SBF2: variants seen among roughly 807,000 people sequenced by gnomAD.
The protein encoded by SBF2 is myotubularin-related protein 13.
A neutral mutation model predicts 225.2 loss-of-function variants in SBF2; 112 were observed. The observed-to-expected ratio is 0.50, with a 90% CI of 0.43 to 0.58. The LOEUF (loss-of-function observed/expected upper bound fraction) is 0.58. Ranked by LOEUF, SBF2 falls within the 20% of genes least tolerant of loss-of-function variation. The pLI is 0.00. For synonymous variants in SBF2, 763 were observed against 773.3 expected (o/e 0.99, Z 0.22); for missense variants, 1,996 against 2,206.2 (o/e 0.90, Z 1.91).
chr11:9,822,039 TATA>T, intron 28 of SBF2, among the ~76,000 whole-genome samples: 1 of 152,252 alleles, frequency 6.6e-6, no homozygotes, highest in East Asian at 1.9e-4. Context: ...TAACAATAAC[TATA>T]ATAATAATGA....
At chr11:10,000,187 A>G (rs1027049681) in intron 8 of SBF2, among the ~76,000 whole-genome samples, 1 of 152,240 alleles carries the variant, frequency 6.6e-6, no homozygotes, top group African/African-American at 2.4e-5. Flanking sequence ...TCAGCCTTTT[A>G]GAGTTACAAA....
At chr11:10,195,621 T>C (rs919227519) in intron 1 of SBF2, among the ~76,000 whole-genome samples, 4 of 152,178 alleles carry the variant, frequency 2.6e-5, no homozygotes, top group African/African-American at 4.8e-5. Context: ...TCTCTATGAA[T>C]GCAACTTCTC....
intron 3 of SBF2, 109 bp from the exon 4 acceptor site, chr11:10,031,279 T>G: frequency 9.7e-7 from 1 of 1,029,572 alleles, no homozygotes; most frequent in Non-Finnish European, 1.4e-6. Context: ...CAAAATTAAT[T>G]ATAATATAAT....
rs185363887 is a variant in SBF2, at chr11:10,292,419, A to G, written c.55+1596T>C. ...ATTGTTGGCCGGGCGTGGTGGCTCA[A>G]GCCTGTAATCCCAGCACTTTGGGAG... On this transcript the variant is annotated intron_variant, in intron 1 of 39. Coordinates refer to ENST00000256190, the MANE Select transcript of SBF2 (RefSeq NM_030962.4). 4.1e-3 allele frequency among the ~76,000 whole-genome samples: 629 copies of G among 152,152 alleles called. 6 individuals carry two copies. The highest frequency in any genetic ancestry group is 0.014 in the African/African-American group (589 of 41,522).
chr11:10,155,493 C>G (rs1171110534), intron 2 of SBF2, among the ~76,000 whole-genome samples: 2 of 151,900 alleles, frequency 1.3e-5, no homozygotes, highest in Non-Finnish European at 2.9e-5. Flanking sequence ...TAAAGGGGAA[C>G]TTTGGGGTAA....
At chr11:9,872,830 T>C (rs1462947878) in intron 17 of SBF2, among the ~76,000 whole-genome samples, 3 of 152,022 alleles carry the variant, frequency 2.0e-5, no homozygotes, top group African/African-American at 7.2e-5. Context: ...ATAATAATAA[T>C]AAATGCTAAG....
At chr11:10,127,149 T>C (rs1953794925) in intron 2 of SBF2, among the ~76,000 whole-genome samples, 1 of 152,154 alleles carries the variant, frequency 6.6e-6, no homozygotes, top group Admixed American at 6.5e-5. Flanking sequence ...ATGTACTTAA[T>C]GCCTCTGAAT....
chr11:10,207,053 T>C (rs1024277261), intron 1 of SBF2, among the ~76,000 whole-genome samples: 1 of 152,086 alleles, frequency 6.6e-6, no homozygotes, highest in Non-Finnish European at 1.5e-5. Context: ...ACATCATAAT[T>C]AAACATCTGA....
At chr11:10,022,599 C>T (rs914722492) in intron 6 of SBF2, among the ~76,000 whole-genome samples, 1 of 152,028 alleles carries the variant, frequency 6.6e-6, no homozygotes, top group Non-Finnish European at 1.5e-5. Context: ...TTTATGTACC[C>T]ACCCCCCCAT....
At chr11:9,880,062 C>T (rs560482542) in intron 17 of SBF2, among the ~76,000 whole-genome samples, 3 of 110,996 alleles carry the variant, frequency 2.7e-5, no homozygotes, top group South Asian at 3.1e-4. Context: ...CCAGCCTGGA[C>T]AATGAGTGAG....
intron 16 of SBF2, among the ~76,000 whole-genome samples, chr11:9,950,223 C>T (rs1487092896): frequency 6.6e-6 from 1 of 152,056 alleles, no homozygotes; most frequent in Admixed American, 6.6e-5. Flanking sequence ...TCCAATCTCC[C>T]TGACAATGTA....
At chr11:9,939,838 T>A (rs948304640) in intron 16 of SBF2, among the ~76,000 whole-genome samples, 3 of 152,182 alleles carry the variant, frequency 2.0e-5, no homozygotes, top group Admixed American at 6.6e-5. Flanking sequence ...CATGAAATAT[T>A]AAGTAATAAT....
chr11:9,941,711 T>C (rs962407772), intron 16 of SBF2, among the ~76,000 whole-genome samples: 2 of 152,162 alleles, frequency 1.3e-5, no homozygotes, highest in Admixed American at 1.3e-4. Context: ...TAAAGCTTAA[T>C]GATTAAACTT....
intron 2 of SBF2, among the ~76,000 whole-genome samples, chr11:10,092,554 A>G (rs763490762): frequency 1.6e-4 from 25 of 152,260 alleles, no homozygotes; most frequent in Admixed American, 5.2e-4. Flanking sequence ...ATGCAATCAT[A>G]TAACTCCACT....
At chr11:10,065,578 AG>A (rs1371782758) in intron 2 of SBF2, among the ~76,000 whole-genome samples, 7 of 152,222 alleles carry the variant, frequency 4.6e-5, no homozygotes, top group African/African-American at 1.7e-4. Flanking sequence ...AGCTATTAAA[AG>A]GATCATAAGG....
chr11:10,196,866 A>ATATATATATATATATATATATATATATT, intron 1 of SBF2, among the ~76,000 whole-genome samples: 1 of 99,316 alleles, frequency 1.0e-5, no homozygotes, highest in Non-Finnish European at 2.0e-5. Flanking sequence ...ATATATATAT[A>ATATATATATATATATATATATATATATT]TTTTTTTTTT....
At chr11:9,833,655 C>T (rs974293623) in intron 26 of SBF2, among the ~76,000 whole-genome samples, 24 of 151,908 alleles carry the variant, frequency 1.6e-4, no homozygotes, top group Non-Finnish European at 2.5e-4. Flanking sequence ...CTCCTGACCT[C>T]GTGATCTGCC....
At chr11:9,840,656 C>T (rs1183941934) in intron 25 of SBF2, among the ~76,000 whole-genome samples, 1 of 152,282 alleles carries the variant, frequency 6.6e-6, no homozygotes. Context: ...ACTCATCATC[C>T]AGATTTCAGT....
At chr11:10,281,682 C>T (rs575711528) in intron 1 of SBF2, among the ~76,000 whole-genome samples, 1 of 152,212 alleles carries the variant, frequency 6.6e-6, no homozygotes, top group East Asian at 1.9e-4. Flanking sequence ...TTGGGAACAC[C>T]TACACAATTT....
Sources: allele counts gnomAD v4.1 joint callset (sites outside exome capture counted in the v4.1 genomes callset), GRCh38; gene constraint gnomAD v4.1.1; transcripts MANE v1.5; gene names NCBI Gene and HGNC (gene_info 2026-07-23, HGNC 2026-07-21).